The following KDM4B variants were observed in gnomAD, a reference collection of about 807,000 sequenced individuals.
KDM4B encodes the protein lysine demethylase 4B, also known as lysine-specific demethylase 4B.
A neutral mutation model predicts 125.2 loss-of-function variants in KDM4B; 32 were observed. The ratio of observed to expected loss-of-function variants is 0.26; its 90% CI spans 0.19 to 0.34. The LOEUF is 0.34. Ranked by LOEUF, KDM4B falls within the 10% of genes least tolerant of loss-of-function variation. KDM4B has a pLI of 1.00. For missense variants in KDM4B, 1,190 were observed against 1,577.7 expected (o/e 0.75, Z 4.16); for synonymous variants, 721 against 677.9 (o/e 1.06, Z -0.99).
At chr19:5,116,033 C>A (rs2146003393) in intron 10 of KDM4B, among the ~76,000 whole-genome samples, 1 of 152,256 alleles carries the variant, frequency 6.6e-6, no homozygotes, top group Admixed American at 6.5e-5. Context: ...CAATGCATCG[C>A]TGTGAAATTT....
At chr19:5,042,695 G>A (rs976446497) in intron 5 of KDM4B, among the ~76,000 whole-genome samples, 8 of 151,204 alleles carry the variant, frequency 5.3e-5, no homozygotes, top group Non-Finnish European at 1.0e-4. Flanking sequence ...GGGGGGCGCC[G>A]TAGGCTTTTC....
intron 8 of KDM4B, among the ~76,000 whole-genome samples, chr19:5,079,653 CAG>C (rs2038226805): frequency 6.6e-6 from 1 of 152,216 alleles, no homozygotes; most frequent in Non-Finnish European, 1.5e-5. Flanking sequence ...GGCCTTAGAG[CAG>C]GTGGTCAGGG....
rs747910455 is a variant in KDM4B at position 5,137,292 on chromosome 19, A to G, written c.2339A>G (p.Asn780Ser). Residue 780 changes from asparagine (N) to serine (S), a missense_variant, in exon 16 of 23, where the codon AAT (asparagine) becomes AGT (serine). Coordinates refer to ENST00000159111, the MANE Select transcript of KDM4B (RefSeq NM_015015.3). The part of the protein sequence containing the change: ...SCYGIRPELV[N>S]EGWTCSRCAA... ...TATGGCATCCGTCCCGAGCTGGTCA[A>G]TGAAGGCTGGACGTGTTCCCGGTGC... 21 of 1,581,606 alleles carry G rather than the reference A, an allele frequency of 1.3e-5. No individual in the cohort carries two copies. The highest frequency in any genetic ancestry group is 4.6e-5 in the East Asian group (2 of 43,498).
At chr19:5,124,046 C>G (rs1325385788) in intron 11 of KDM4B, among the ~76,000 whole-genome samples, 4 of 152,082 alleles carry the variant, frequency 2.6e-5, no homozygotes, top group Non-Finnish European at 5.9e-5. Context: ...CGTGGGCCAC[C>G]TTGAGCTTGG....
intron 1 of KDM4B, among the ~76,000 whole-genome samples, chr19:4,980,925 G>A (rs1165408835): frequency 1.5e-5 from 2 of 137,530 alleles, no homozygotes; most frequent in Non-Finnish European, 3.1e-5. Flanking sequence ...GGCAGACACA[G>A]CATAGAAACC....
chr19:5,090,091 C>T (rs912181873), intron 9 of KDM4B, among the ~76,000 whole-genome samples: 1 of 152,164 alleles, frequency 6.6e-6, no homozygotes, highest in Non-Finnish European at 1.5e-5. Flanking sequence ...GCAGGTGAGG[C>T]AGTGCTGGAA....
rs922711359 is a variant in KDM4B at position 4,988,641 on chromosome 19, C to T, written c.-109+19411C>T. 3.3e-5 allele frequency among the ~76,000 whole-genome samples: 5 copies of T among 152,138 alleles called. No homozygotes were observed. The East Asian group carries it at 7.7e-4, about 23-fold the overall frequency. On this transcript the variant is annotated intron_variant, in intron 1 of 22. Coordinates refer to ENST00000159111, the MANE Select transcript of KDM4B (RefSeq NM_015015.3). ...CAAAACTCAGGGGAGCTGTTACTTA[C>T]GTTTACCAGCTTATTAGAAAGGATT...
Position 5,035,759 on chromosome 19 carries a change from C to T in KDM4B, c.141+2728C>T, listed in dbSNP as rs1429190339. Among the ~76,000 whole-genome samples the T allele has an allele frequency of 6.6e-6, 1 of 152,154 alleles. No homozygotes were observed. Among genetic ancestry groups the T allele is most frequent in the Non-Finnish European group, 1.5e-5 (1 of 68,020 alleles). On this transcript the variant is annotated intron_variant, in intron 3 of 22. Coordinates refer to ENST00000159111, the MANE Select transcript of KDM4B (RefSeq NM_015015.3). This position sits in a 1 kb window ranked among gnomAD's most constrained non-coding sequence, Gnocchi z 5.3. The stretch of plus-strand genomic sequence containing the variant: ...AGCGGCAGCTCCCATGCTGCTTCTC[C>T]TTGCACCAGTGCAGAGAATCCTTTC...
At chr19:4,993,972 A>G (rs1346891621) in intron 1 of KDM4B, among the ~76,000 whole-genome samples, 1 of 108,330 alleles carries the variant, frequency 9.2e-6, no homozygotes, top group African/African-American at 3.5e-5. Context: ...CAGCTTTCTT[A>G]TGGTTCCTGT....
intron 1 of KDM4B, among the ~76,000 whole-genome samples, chr19:4,975,678 C>G (rs187074438): frequency 6.0e-5 from 9 of 151,112 alleles, no homozygotes; most frequent in Non-Finnish European, 1.3e-4. Context: ...CTGCAACCTC[C>G]ACCTCCCGGA....
intron 6 of KDM4B, 92 bp from the exon 7 acceptor site, chr19:5,070,918 G>T: frequency 7.4e-7 from 1 of 1,355,712 alleles, no homozygotes; most frequent in South Asian, 1.2e-5. Context: ...CCTGGGCACT[G>T]TCTGCGTCTC....
chr19:5,148,619 A>G (rs2620832), intron 21 of KDM4B, among the ~76,000 whole-genome samples: 114,167 of 152,002 alleles, frequency 0.75, 43,029 homozygotes, highest in East Asian at 0.95. Context: ...GGACTCCTGC[A>G]GTGGGAGCTC....
intron 1 of KDM4B, among the ~76,000 whole-genome samples, chr19:4,993,115 AAGTG>A (rs571767885): frequency 1.5e-3 from 221 of 152,226 alleles, no homozygotes; most frequent in African/African-American, 5.1e-3. Flanking sequence ...CTTTTATTGA[AAGTG>A]AGGGTATGAG....
At position 5,152,602 on chromosome 19, in the gene KDM4B, C is replaced by T. The variant is rs949994251; in HGVS notation, c.*1091C>T. On this transcript the variant is annotated 3_prime_UTR_variant, in exon 23 of 23. Transcript: ENST00000159111. ...GGGCAGGGACGAGGCCTGGTGTCCT[C>T]GCTCCACCCACCCACGCTGCTGTCA... The T allele has an allele frequency of 4.6e-5, 7 of 152,250 alleles. No individual in the cohort carries two copies. Among genetic ancestry groups the T allele is most frequent in the African/African-American group, 1.4e-4 (6 of 41,454 alleles). 9.4% of individuals were successfully genotyped at this position (152,250 alleles called of 1,614,324 possible).
intron 1 of KDM4B, among the ~76,000 whole-genome samples, chr19:4,977,894 G>A (rs948755375): frequency 2.0e-5 from 3 of 152,176 alleles, no homozygotes; most frequent in Admixed American, 6.5e-5. Context: ...CCTGGGATGC[G>A]AGCAGGACCC....
intron 6 of KDM4B, among the ~76,000 whole-genome samples, chr19:5,069,134 G>T (rs1254216909): frequency 1.3e-5 from 2 of 152,126 alleles, no homozygotes; most frequent in Admixed American, 1.3e-4. Context: ...CCCCTGTCTA[G>T]ACAGTGGAAG....
chr19:5,038,282 G>T (rs1387558240), intron 3 of KDM4B, among the ~76,000 whole-genome samples: 2 of 152,240 alleles, frequency 1.3e-5, no homozygotes. Flanking sequence ...GAAGGCCCGT[G>T]GTGCCCACCG....
Position 5,040,101 on chromosome 19 carries a change from C to T in KDM4B, c.317+90C>T, listed in dbSNP as rs79236297. The T allele has an allele frequency of 2.1e-3, 2,814 of 1,355,872 alleles. 55 individuals are homozygous for T. In the African/African-American group the frequency reaches 0.035, roughly 17 times the overall value. The allele number at this position is 1,355,872 out of a possible 1,614,324, so 84.0% of individuals were successfully genotyped here. On this transcript the variant is annotated intron_variant, in intron 4 of 22. Transcript: ENST00000159111. ...CTGGGGGCAGAGAAGGTGCGGTACA[C>T]GCAGCCCCCACAGCATGGCCGGCCT...
intron 14 of KDM4B, 91 bp downstream of exon 14, chr19:5,134,152 C>G (rs1185314245): frequency 2.4e-6 from 3 of 1,247,286 alleles, no homozygotes; most frequent in Non-Finnish European, 1.1e-6. Context: ...GCCTCCCTCT[C>G]TCACGCAGGG....
Sources: gnomAD v4.1 joint callset for allele counts (sites outside exome capture counted in the v4.1 genomes callset) on GRCh38, gnomAD v4.1.1 for gene constraint, Gnocchi (gnomAD v3.1) non-coding constraint, MANE v1.5 for transcripts, NCBI Gene and HGNC (gene_info 2026-07-23, HGNC 2026-07-21) for gene names.